SMYD2: variants seen among roughly 807,000 people sequenced by gnomAD.
The protein encoded by SMYD2 is N-lysine methyltransferase SMYD2.
Under a neutral mutation model 59.1 loss-of-function variants are expected in SMYD2, and 53 were observed. The ratio of observed to expected loss-of-function variants is 0.90; its 90% CI spans 0.72 to 1.13. SMYD2 has a LOEUF of 1.13. Among genes scored for constraint, SMYD2 ranks in the 50% most tolerant of loss-of-function variants. The pLI is 0.00. For missense variants in SMYD2, 494 were observed against 544.7 expected (o/e 0.91, Z 0.93); for synonymous variants, 208 against 198.8 (o/e 1.05, Z -0.39).
chr1:214,282,854 C>A (rs1280786045), intron 1 of SMYD2, among the ~76,000 whole-genome samples: 1 of 152,070 alleles, frequency 6.6e-6, no homozygotes, highest in African/African-American at 2.4e-5. Context: ...ATTGGGTTTT[C>A]CCAAAGTTAA....
chr1:214,299,424 A>G (rs1449462046), intron 1 of SMYD2, among the ~76,000 whole-genome samples: 2 of 150,290 alleles, frequency 1.3e-5, no homozygotes, highest in Admixed American at 6.7e-5. Flanking sequence ...ACACAGAATC[A>G]ACCTATGTGC....
At position 214,281,410 on chromosome 1, in the gene SMYD2, C is replaced by A; in HGVS notation, c.156C>A (p.Cys52Ter). 6.9e-7 allele frequency: 1 copy of A among 1,448,948 alleles called. No homozygotes were observed. The highest frequency in any genetic ancestry group is 9.1e-7 in the Non-Finnish European group (1 of 1,096,258). The allele number at this position is 1,448,948 out of a possible 1,614,324, so 89.8% of individuals were successfully genotyped here. A position where few individuals can be genotyped will look rare whatever the true frequency, so the allele number is the denominator to read the frequency against. The change falls in exon 1 of 12, where the codon TGC becomes TGA. Residue 52 changes from cysteine to a stop codon, truncating the protein, a stop_gained. Coordinates refer to ENST00000366957, the MANE Select transcript of SMYD2 (RefSeq NM_020197.3). LOFTEE classifies it high-confidence loss of function. ...VLTVNERGNH[C>*]EYCFTRKEGL... ...CGGTCAACGAGCGGGGCAACCACTG[C>A]GAGTACTGCTTCACCAGGTAGGGCG...
intron 2 of SMYD2, among the ~76,000 whole-genome samples, chr1:214,306,178 T>A (rs2102463824): frequency 6.6e-6 from 1 of 152,260 alleles, no homozygotes; most frequent in Non-Finnish European, 1.5e-5. Flanking sequence ...TATAGCTGCA[T>A]CTCTTTTTGT....
chr1:214,310,263 A>G (rs1306511611), intron 2 of SMYD2, among the ~76,000 whole-genome samples: 1 of 152,046 alleles, frequency 6.6e-6, no homozygotes, highest in African/African-American at 2.4e-5. Context: ...AAAGTCATGC[A>G]CAGTAGTTAT....
At chr1:214,321,445 T>G (rs1202357964) in intron 5 of SMYD2, among the ~76,000 whole-genome samples, 1 of 152,244 alleles carries the variant, frequency 6.6e-6, no homozygotes, top group Non-Finnish European at 1.5e-5. Flanking sequence ...AGGGGACATT[T>G]ACTATCCCCA....
chr1:214,331,674 A>T (rs1184914379), intron 9 of SMYD2: 1 of 222,098 alleles, frequency 4.5e-6, no homozygotes, highest in Admixed American at 5.1e-5. Flanking sequence ...TTCTCAGCAT[A>T]AGAAAGAACT....
intron 5 of SMYD2, among the ~76,000 whole-genome samples, chr1:214,319,997 A>G (rs1657144629): frequency 6.6e-6 from 1 of 152,242 alleles, no homozygotes; most frequent in Non-Finnish European, 1.5e-5. Flanking sequence ...ACAGAGATTT[A>G]CGTACAAATT....
intron 2 of SMYD2, among the ~76,000 whole-genome samples, chr1:214,310,663 C>G (rs1339415945): frequency 6.6e-6 from 1 of 152,094 alleles, no homozygotes; most frequent in African/African-American, 2.4e-5. Flanking sequence ...TGCAAAATCA[C>G]TCTGTATACA....
intron 1 of SMYD2, among the ~76,000 whole-genome samples, chr1:214,291,389 G>A (rs925430323): frequency 6.6e-6 from 1 of 152,188 alleles, no homozygotes; most frequent in Non-Finnish European, 1.5e-5. Flanking sequence ...ATACCCCGAA[G>A]TTTGGCCCTT....
intron 2 of SMYD2, among the ~76,000 whole-genome samples, chr1:214,311,266 G>A (rs1005709): frequency 0.82 from 124,194 of 152,228 alleles, 51,404 homozygotes; most frequent in African/African-American, 0.95. Context: ...AGCCTGTGCC[G>A]GGCACCGTTC....
rs1379482355 is a variant in SMYD2, at chr1:214,281,310, G to A, written c.56G>A (p.Arg19Gln). 5 of 1,396,938 alleles carry A rather than the reference G, an allele frequency of 3.6e-6. No individual in the cohort carries two copies. Among genetic ancestry groups the A allele is most frequent in the Non-Finnish European group, 4.7e-6 (5 of 1,065,392 alleles). 86.5% of individuals were successfully genotyped at this position (1,396,938 alleles called of 1,614,324 possible). A position where few individuals can be genotyped will look rare whatever the true frequency, so the allele number is the denominator to read the frequency against. Reference sequence around the variant, plus strand: ...CGCTTCTGCAGCCCGGGCAAAGGCCGGGGGCTGCGGGCTCTGCAGCCCTTC... The same window carrying A: ...CGCTTCTGCAGCCCGGGCAAAGGCCAGGGGCTGCGGGCTCTGCAGCCCTTC... The part of the protein sequence containing the change: ...LERFCSPGKG[R>Q]GLRALQPFQV... The change falls in exon 1 of 12, where the codon CGG becomes CAG. Residue 19 changes from arginine (R) to glutamine (Q), a missense_variant. Coordinates refer to ENST00000366957, the MANE Select transcript of SMYD2 (RefSeq NM_020197.3).
intron 1 of SMYD2, among the ~76,000 whole-genome samples, chr1:214,293,155 C>T (rs895778094): frequency 1.3e-5 from 2 of 151,892 alleles, no homozygotes; most frequent in Non-Finnish European, 2.9e-5. Context: ...CAGGTCCAAG[C>T]GATTCTCCCG....
chr1:214,332,341 G>A, intron 10 of SMYD2, 149 bp downstream of exon 10: 1 of 898,596 alleles, frequency 1.1e-6, no homozygotes. Flanking sequence ...CTGGTGCAGG[G>A]CACTGCTCCC....
At position 214,281,330 on chromosome 1, in the gene SMYD2, C is replaced by G; in HGVS notation, c.76C>G (p.Pro26Ala). ...AGGCCGGGGGCTGCGGGCTCTGCAG[C>G]CCTTCCAGGTGGGGGACTTGCTGTT... ...GKGRGLRALQ[P>A]FQVGDLLFSC... The change falls in exon 1 of 12, where the codon CCC becomes GCC. Residue 26 changes from proline to alanine, a missense_variant. Transcript: ENST00000366957. 1 of 1,435,010 alleles carries G rather than the reference C, an allele frequency of 7.0e-7. No homozygotes were observed. The allele number at this position is 1,435,010 out of a possible 1,614,324, so 88.9% of individuals were successfully genotyped here. A position where few individuals can be genotyped will look rare whatever the true frequency, so the allele number is the denominator to read the frequency against.
At chr1:214,282,184 A>G (rs1273254213) in intron 1 of SMYD2, among the ~76,000 whole-genome samples, 4 of 152,364 alleles carry the variant, frequency 2.6e-5, no homozygotes, top group African/African-American at 9.6e-5. Flanking sequence ...TGCACACACC[A>G]ACACATAATT....
chr1:214,335,260 C>T (rs889830320), intron 11 of SMYD2, among the ~76,000 whole-genome samples: 1 of 152,220 alleles, frequency 6.6e-6, no homozygotes, highest in African/African-American at 2.4e-5. Flanking sequence ...AGGGCACAGC[C>T]AGGCTGGAAG....
At chr1:214,311,710 A>G (rs1657001417) in intron 2 of SMYD2, among the ~76,000 whole-genome samples, 1 of 152,088 alleles carries the variant, frequency 6.6e-6, no homozygotes. Flanking sequence ...ACATTAATAA[A>G]TTGATATTTT....
chr1:214,319,651 G>A (rs1029607907), intron 5 of SMYD2, among the ~76,000 whole-genome samples: 1 of 152,340 alleles, frequency 6.6e-6, no homozygotes, highest in East Asian at 1.9e-4. Context: ...AACAAAGGGT[G>A]CAGTGGCCAT....
chr1:214,283,084 C>T (rs1174622505), intron 1 of SMYD2, among the ~76,000 whole-genome samples: 2 of 152,088 alleles, frequency 1.3e-5, no homozygotes, highest in African/African-American at 4.8e-5. Flanking sequence ...CAGCCCTGGC[C>T]CCCAGTGAAT....
Sources: allele counts gnomAD v4.1 joint callset (sites outside exome capture counted in the v4.1 genomes callset), GRCh38; gene constraint gnomAD v4.1.1; transcripts MANE v1.5; gene names NCBI Gene and HGNC (gene_info 2026-07-23, HGNC 2026-07-21).